The following EFCAB11 variants were observed in gnomAD, a reference collection of about 807,000 sequenced individuals.
EFCAB11 encodes EF-hand calcium-binding domain-containing protein 11.
In EFCAB11, 14 loss-of-function variants were observed where a neutral mutation model predicts 23.0. That is an observed-to-expected ratio of 0.61 (90% CI 0.40 to 0.95). The LOEUF (loss-of-function observed/expected upper bound fraction) is 0.95. EFCAB11 is among the 40% of genes least tolerant of loss of function. The probability of loss-of-function intolerance (pLI) is 0.00; values close to 1 mark genes in which losing one functional copy is unlikely to be tolerated. For synonymous variants in EFCAB11, 65 were observed against 66.6 expected (o/e 0.98, Z 0.11); for missense variants, 198 against 195.8 (o/e 1.01, Z -0.07).
intron 5 of EFCAB11, among the ~76,000 whole-genome samples, chr14:89,884,725 T>C (rs768224169): frequency 3.9e-5 from 6 of 152,250 alleles, no homozygotes; most frequent in Non-Finnish European, 5.9e-5. Context: ...ATGTACTGAA[T>C]GTGTGTGCCC....
chr14:89,923,607 A>G, intron 5 of EFCAB11: 1 of 861,418 alleles, frequency 1.2e-6, no homozygotes, highest in African/African-American at 1.8e-5. Context: ...TATGGCTACA[A>G]AGAATGAAAT....
At chr14:89,825,360 T>C (rs1010411136) in intron 5 of EFCAB11, among the ~76,000 whole-genome samples, 4 of 152,120 alleles carry the variant, frequency 2.6e-5, no homozygotes, top group Non-Finnish European at 4.4e-5. Context: ...GATGGAAATA[T>C]GTAGTTTTAA....
At chr14:89,835,466 T>C (rs1464015307) in intron 5 of EFCAB11, among the ~76,000 whole-genome samples, 2 of 152,182 alleles carry the variant, frequency 1.3e-5, no homozygotes, top group Non-Finnish European at 2.9e-5. Flanking sequence ...TGAAACAAAG[T>C]TTTGACTGCA....
At chr14:89,911,384 G>C (rs544197222) in intron 5 of EFCAB11, among the ~76,000 whole-genome samples, 191 of 152,274 alleles carry the variant, frequency 1.3e-3, no homozygotes, top group African/African-American at 4.5e-3. Flanking sequence ...GGGGGGTTTG[G>C]GGGTGGAGAG....
At chr14:89,901,795 T>C (rs1033531660) in intron 5 of EFCAB11, among the ~76,000 whole-genome samples, 2 of 152,170 alleles carry the variant, frequency 1.3e-5, no homozygotes, top group African/African-American at 2.4e-5. Flanking sequence ...GGTTGAGTTA[T>C]CCTTAATCCA....
At chr14:89,876,056 T>G (rs1427310202) in intron 5 of EFCAB11, among the ~76,000 whole-genome samples, 1 of 152,152 alleles carries the variant, frequency 6.6e-6, no homozygotes, top group African/African-American at 2.4e-5. Flanking sequence ...TGGGAGGTTG[T>G]TGGTGAGCAC....
rs566561287 is a variant in EFCAB11 at position 89,881,271 on chromosome 14, C to A, written c.410+50270G>T. On this transcript the variant is annotated intron_variant, in intron 5 of 5. Coordinates refer to ENST00000316738, the MANE Select transcript of EFCAB11 (RefSeq NM_145231.4). ...GCTCAATGTAAGCAAGTAACAGTTG[C>A]CTCAATAAGTCCTTGTTAAAAGAAG... Among the ~76,000 whole-genome samples, 16 of 151,176 alleles carry A rather than the reference C, an allele frequency of 1.1e-4. No homozygotes were observed. In the South Asian group the frequency reaches 3.4e-3, roughly 32 times the overall value.
intron 5 of EFCAB11, among the ~76,000 whole-genome samples, chr14:89,845,658 G>A (rs1887408343): frequency 6.6e-6 from 1 of 152,154 alleles, no homozygotes; most frequent in Non-Finnish European, 1.5e-5. Flanking sequence ...GGGGCTTTGG[G>A]AAGACATCTC....
chr14:89,864,254 A>T (rs1290006818), intron 5 of EFCAB11, among the ~76,000 whole-genome samples: 1 of 152,214 alleles, frequency 6.6e-6, no homozygotes, highest in Non-Finnish European at 1.5e-5. Flanking sequence ...CCATACTAAC[A>T]AATTAGTGAT....
At chr14:89,892,537 G>T in intron 5 of EFCAB11, 1 of 1,015,018 alleles carries the variant, frequency 9.9e-7, no homozygotes, top group Non-Finnish European at 1.4e-6. Flanking sequence ...AATGACAGAA[G>T]GGTTCATATA....
At chr14:89,837,231 A>G in intron 5 of EFCAB11, 1 of 415,862 alleles carries the variant, frequency 2.4e-6, no homozygotes, top group Non-Finnish European at 4.9e-6. Flanking sequence ...ATATCCATCC[A>G]ATCAATTTTC....
At chr14:89,954,503 G>C in intron 1 of EFCAB11, 83 bp downstream of exon 1, 2 of 1,572,070 alleles carry the variant, frequency 1.3e-6, no homozygotes, top group Non-Finnish European at 1.7e-6. Flanking sequence ...ACACCCGGCA[G>C]AGTGAGACCC....
chr14:89,821,316 C>G (rs1215018380), intron 5 of EFCAB11, among the ~76,000 whole-genome samples: 4 of 152,216 alleles, frequency 2.6e-5, no homozygotes, highest in African/African-American at 9.6e-5. Context: ...ACAACTCTTA[C>G]TTGAGTCTCC....
intron 1 of EFCAB11, 144 bp downstream of exon 1, chr14:89,954,442 G>A: frequency 6.5e-7 from 1 of 1,537,460 alleles, no homozygotes; most frequent in Non-Finnish European, 8.7e-7. Context: ...GCAGCTCCAG[G>A]ATCAGTCATT....
intron 5 of EFCAB11, chr14:89,831,197 T>A (rs1460185186): frequency 2.0e-5 from 3 of 152,144 alleles, no homozygotes; most frequent in Non-Finnish European, 4.4e-5. Context: ...AGAAAGGAAC[T>A]TGGGATGACT....
intron 5 of EFCAB11, among the ~76,000 whole-genome samples, chr14:89,884,842 G>A (rs1014099882): frequency 2.0e-5 from 3 of 152,130 alleles, no homozygotes; most frequent in African/African-American, 7.2e-5. Flanking sequence ...CCATCATAAG[G>A]GATTAGTGCT....
At position 89,925,600 on chromosome 14, in the gene EFCAB11, C is replaced by A. The variant is rs374297851; in HGVS notation, c.410+5941G>T. 5.8e-4 allele frequency among the ~76,000 whole-genome samples: 88 copies of A among 151,634 alleles called. 1 individual carries two copies. The East Asian group carries it at 0.01, about 18-fold the overall frequency. On this transcript the variant is annotated intron_variant, in intron 5 of 5. Transcript: ENST00000316738. Reference sequence around the variant, plus strand: ...ATCTTTGATACAGTACACAAACACACAAATTGTGACTACCAGCTCTAAGAG... The same window carrying A: ...ATCTTTGATACAGTACACAAACACAAAAATTGTGACTACCAGCTCTAAGAG...
intron 5 of EFCAB11, among the ~76,000 whole-genome samples, chr14:89,874,236 T>C (rs191239585): frequency 2.4e-3 from 358 of 152,274 alleles, no homozygotes; most frequent in Non-Finnish European, 3.7e-3. Context: ...TGGCCCCTTT[T>C]AGCCACAGAT....
At position 89,805,746 on chromosome 14, in the gene EFCAB11, T is replaced by C. The variant is rs559984509; in HGVS notation, c.411-8422A>G. 7.2e-5 allele frequency among the ~76,000 whole-genome samples: 11 copies of C among 152,254 alleles called. No homozygotes were observed. In the South Asian group the frequency reaches 2.3e-3, roughly 32 times the overall value. Reference sequence around the variant, plus strand: ...CTGACCCAATAAATTCCCTGTGTTGTTTAAGGCAGTCTGAAATGGATTTTC... The same window carrying C: ...CTGACCCAATAAATTCCCTGTGTTGCTTAAGGCAGTCTGAAATGGATTTTC... On this transcript the variant is annotated intron_variant, in intron 5 of 5. Transcript: ENST00000316738.
Sources: allele counts gnomAD v4.1 joint callset (sites outside exome capture counted in the v4.1 genomes callset), GRCh38; gene constraint gnomAD v4.1.1; transcripts MANE v1.5; gene names NCBI Gene and HGNC (gene_info 2026-07-23, HGNC 2026-07-21).